The following RNF31 variants were observed in gnomAD, a reference collection of about 807,000 sequenced individuals.
RNF31 encodes the protein E3 ubiquitin-protein ligase RNF31.
RNF31 carries 38 observed loss-of-function variants against 133.6 expected under a neutral mutation model. That is an observed-to-expected ratio of 0.28 (90% CI 0.22 to 0.37). RNF31 has a LOEUF of 0.37. Ranked by LOEUF, RNF31 falls within the 10% of genes least tolerant of loss-of-function variation. RNF31 has a pLI of 1.00. For missense variants in RNF31, 1,118 were observed against 1,394.1 expected, an observed-to-expected ratio of 0.80 and a Z score of 3.15; for synonymous variants, 582 against 552.3, an observed-to-expected ratio of 1.05 and a Z score of -0.75.
At chr14:24,150,538 G>C (rs2038248310) in intron 7 of RNF31, 60 bp from the exon 8 acceptor site, 1 of 1,579,428 alleles carries the variant, frequency 6.3e-7, no homozygotes, top group Admixed American at 1.7e-5. Flanking sequence ...CCAACTCCCT[G>C]TATTTCTGTT....
Position 24,155,162 on chromosome 14 carries a change from G to A in RNF31, c.2136G>A (p.Gln712=). ...TCCAACCCCTCACCCTCCAGATGCA[G>A]GCCCTGACTTCCTGTGAGTGCACCA... is the stretch of plus-strand genomic sequence containing the variant. ...CGWALPHNRM[Q]ALTSCECTIC... is the part of the protein sequence containing the mutation. The change falls in exon 12 of 21, where the codon CAG becomes CAA. Residue 712 remains glutamine (Q), a synonymous_variant. Transcript: ENST00000324103. The surrounding 1 kb of genome is among the most constrained non-coding windows in gnomAD (Gnocchi z 4.9). The A allele has an allele frequency of 6.2e-7, 1 of 1,613,946 alleles. No individual in the cohort carries two copies. The highest frequency in any genetic ancestry group is 8.5e-7 in the Non-Finnish European group (1 of 1,179,898).
At chr14:24,158,464 A>G (rs1423516001) in intron 18 of RNF31, 3 of 521,318 alleles carry the variant, frequency 5.8e-6, no homozygotes, top group Admixed American at 3.6e-5. Flanking sequence ...CCAAATGATC[A>G]TAATTAATTA....
In RNF31 at chr14:24,147,847, A is replaced by G. The variant is rs1414794407; in HGVS notation, c.149A>G (p.Gln50Arg). ...SSLPLAARYL[Q>R]LDAARLVRCN... Reference sequence around the variant, plus strand: ...CTGCCGCTAGCCGCCCGCTACCTGCAGCTGGACGCCGCACGCCTTGTCCGC... The same window carrying G: ...CTGCCGCTAGCCGCCCGCTACCTGCGGCTGGACGCCGCACGCCTTGTCCGC... The change falls in exon 1 of 21, where the codon CAG becomes CGG. Residue 50 changes from glutamine to arginine, a missense_variant. By Grantham distance (43) the Gln-to-Arg change is conservative (BLOSUM62 1). This residue lies in a region of RNF31 where 747 missense variants were observed against 827.9 expected (regional missense o/e 0.90). Coordinates refer to ENST00000324103, the MANE Select transcript of RNF31 (RefSeq NM_017999.5). The G allele has an allele frequency of 2.5e-6, 4 of 1,610,224 alleles. No homozygotes were observed. The highest frequency in any genetic ancestry group is 2.7e-5 in the African/African-American group (2 of 75,024).
At chr14:24,159,783 C>A in intron 18 of RNF31, 81 bp from the exon 19 acceptor site, 1 of 1,137,380 alleles carries the variant, frequency 8.8e-7, no homozygotes, top group Non-Finnish European at 1.3e-6. Context: ...GGCTGCCTTC[C>A]CTGCCTTGTG....
Position 24,150,274 on chromosome 14 carries a change from A to C in RNF31, c.1023A>C (p.Gly341=), listed in dbSNP as rs745310747. ...GLGLGTEGPQ[G]TGGLEPDLAR... is the part of the protein sequence containing the mutation. ...GGTTGGGAACTGAGGGTCCCCAAGG[A>C]ACTGGAGGCCTAGAACCTGATCTTG... Residue 341 remains glycine (G), a synonymous_variant, in exon 7 of 21, where the codon GGA becomes GGC. Transcript: ENST00000324103. 3 of 1,614,048 alleles carry C rather than the reference A, an allele frequency of 1.9e-6. No individual in the cohort carries two copies. In the African/African-American group the frequency reaches 4.0e-5, roughly 22 times the overall value.
In RNF31 at chr14:24,151,399, T is replaced by C; in HGVS notation, c.1737+20T>C. 2 of 1,613,950 alleles carry C rather than the reference T, an allele frequency of 1.2e-6. No individual in the cohort carries two copies. The highest frequency in any genetic ancestry group is 1.7e-6 in the Non-Finnish European group (2 of 1,179,820). ...AGGAAGGTATCAGCTGTGCTGGATA[T>C]GGGATAGGGTCGAGAGTCTGCATCT... On this transcript the variant is annotated intron_variant, in intron 9 of 20. Transcript: ENST00000324103. The surrounding 1 kb of genome is among the most constrained non-coding windows in gnomAD (Gnocchi z 5.3).
Position 24,147,633 on chromosome 14 carries a change from C to A in RNF31, c.-66C>A. On this transcript the variant is annotated 5_prime_UTR_variant, in exon 1 of 21. Coordinates refer to ENST00000324103, the MANE Select transcript of RNF31 (RefSeq NM_017999.5). ...GGCACCAGACGGGAGGGGCGGCGCT[C>A]GGGCCGCGCGCTGCCCGCGCCGGGT... 7.5e-7 allele frequency: 1 copy of A among 1,338,918 alleles called. No individual in the cohort carries two copies. Among genetic ancestry groups the A allele is most frequent in the South Asian group, 1.8e-5 (1 of 55,474 alleles). 82.9% of individuals were successfully genotyped at this position (1,338,918 alleles called of 1,614,324 possible).
intron 11 of RNF31, among the ~76,000 whole-genome samples, chr14:24,153,957 A>T (rs1236438849): frequency 6.6e-6 from 1 of 152,230 alleles, no homozygotes; most frequent in Admixed American, 6.5e-5. Flanking sequence ...TTTCAAAAAT[A>T]GTGCATAGAG....
chr14:24,149,568 C>A lies in RNF31; in HGVS notation c.794C>A (p.Thr265Asn), dbSNP rs746753298. 31 of 1,613,170 alleles carry A rather than the reference C, an allele frequency of 1.9e-5. No homozygotes were observed. In the Admixed American group the frequency reaches 5.2e-4, roughly 27 times the overall value. The change falls in exon 6 of 21, where the codon ACC (threonine) becomes AAC (asparagine). Residue 265 changes from threonine (T) to asparagine (N), a missense_variant. Physicochemically the swap from Thr to Asn is moderately conservative, Grantham distance 65. Around this residue, in one of 3 missense-constraint regions of RNF31, gnomAD observed 747 missense variants for 827.9 expected, o/e 0.90. Transcript: ENST00000324103. ...RQTLPGVLQG[T>N]HLSPSLPASA... ...ACCCTGCCTGGGGTCCTGCAGGGTACCCACCTGAGCCCCAGGTGAGAGGGC... is the reference window on the plus strand; with the variant it reads ...ACCCTGCCTGGGGTCCTGCAGGGTAACCACCTGAGCCCCAGGTGAGAGGGC...
chr14:24,149,919 G>A (rs189808917), intron 6 of RNF31, 142 bp from the exon 7 acceptor site: 38 of 999,734 alleles, frequency 3.8e-5, no homozygotes, highest in African/African-American at 3.7e-4. Flanking sequence ...CATAAGCTAT[G>A]GGTATAGGAG....
rs1224022978 is a variant in RNF31, at chr14:24,158,001, A to G, written c.2831A>G (p.Lys944Arg). The change falls in exon 17 of 21, where the codon AAG (lysine) becomes AGG (arginine). Residue 944 changes from lysine to arginine, a missense_variant. Physicochemically the swap from Lys to Arg is conservative, Grantham distance 26. Around this residue, in one of 3 missense-constraint regions of RNF31, gnomAD observed 170 missense variants for 194.5 expected, o/e 0.87. Transcript: ENST00000324103. ...GACTGGACTGCTCTCCGGCTTCAGA[A>G]GCTGCTACAGGTCAGAGGTGGCCAG... Reference protein sequence around the residue: ...LRDWTALRLQKLLQDNNVMFN... With the variant: ...LRDWTALRLQRLLQDNNVMFN... 3.1e-6 allele frequency: 5 copies of G among 1,614,132 alleles called. No individual in the cohort carries two copies. In the East Asian group the frequency reaches 1.1e-4, roughly 36 times the overall value.
Position 24,150,308 on chromosome 14 carries a change from C to T in RNF31, c.1057C>T (p.Arg353Trp), listed in dbSNP as rs762112517. The T allele has an allele frequency of 3.0e-5, 49 of 1,614,078 alleles. No homozygotes were observed. The highest frequency in any genetic ancestry group is 2.2e-4 in the Admixed American group (13 of 60,002). ...CCTAGAACCTGATCTTGCACGGGGT[C>T]GGTGGGCCTGCCAGAGCTGTACCTT... ...GGLEPDLARG[R>W]WACQSCTFEN... Residue 353 changes from arginine to tryptophan, a missense_variant, in exon 7 of 21, where the codon CGG (arginine) becomes TGG (tryptophan). Physicochemically the swap from Arg to Trp is moderately radical, Grantham distance 101. Coordinates refer to ENST00000324103, the MANE Select transcript of RNF31 (RefSeq NM_017999.5).
Position 24,151,280 on chromosome 14 carries a change from G to C in RNF31, c.1638G>C (p.Leu546=). Residue 546 remains leucine, a synonymous_variant, in exon 9 of 21, where the codon CTG becomes CTC. Transcript: ENST00000324103. The surrounding 1 kb of genome is among the most constrained non-coding windows in gnomAD (Gnocchi z 5.3). ...AELAGQQDPG[L]GAFSCQEARR... Reference sequence around the variant, plus strand: ...TGGCTGGACAGCAGGACCCTGGGCTGGGTGCCTTTTCCTGTCAGGAGGCCC... The same window carrying C: ...TGGCTGGACAGCAGGACCCTGGGCTCGGTGCCTTTTCCTGTCAGGAGGCCC... 6.2e-7 allele frequency: 1 copy of C among 1,614,224 alleles called. No homozygotes were observed. The highest frequency in any genetic ancestry group is 8.5e-7 in the Non-Finnish European group (1 of 1,180,042).
rs1409264921 is a variant in RNF31 at position 24,157,940 on chromosome 14, G to A, written c.2770G>A (p.Gly924Ser). 3.1e-6 allele frequency: 5 copies of A among 1,614,114 alleles called. No individual in the cohort carries two copies. The highest frequency in any genetic ancestry group is 4.2e-6 in the Non-Finnish European group (5 of 1,180,038). Residue 924 changes from glycine (G) to serine (S), a missense_variant, in exon 17 of 21, where the codon GGC (glycine) becomes AGC (serine). By Grantham distance (56) the Gly-to-Ser change is moderately conservative. Around this residue, in one of 3 missense-constraint regions of RNF31, gnomAD observed 201 missense variants for 371.7 expected, o/e 0.54. Transcript: ENST00000324103. The part of the protein sequence containing the change: ...PNCRVKKSLH[G>S]HHPRDCLFYL... Reference sequence around the variant, plus strand: ...CTGCAGGGTGAAAAAGTCCCTGCACGGCCACCACCCTCGAGACTGCCTCTT... The same window carrying A: ...CTGCAGGGTGAAAAAGTCCCTGCACAGCCACCACCCTCGAGACTGCCTCTT...
chr14:24,160,324 A>T lies in RNF31; in HGVS notation c.3082A>T (p.Thr1028Ser), dbSNP rs1341663450. The T allele has an allele frequency of 1.9e-6, 3 of 1,614,000 alleles. No homozygotes were observed. The highest frequency in any genetic ancestry group is 1.1e-5 in the South Asian group (1 of 91,074). Residue 1028 changes from threonine (T) to serine (S), a missense_variant, in exon 20 of 21, where the codon ACG becomes TCG. Transcript: ENST00000324103. The surrounding 1 kb of genome is among the most constrained non-coding windows in gnomAD (Gnocchi z 4.0). ...ATLYEVEELE[T>S]ATERYLHVRP... is the part of the protein sequence containing the mutation. ...CTTGTATGAGGTGGAAGAGCTGGAG[A>T]CGGCCACTGAGCGCTACCTGCACGT...
rs2038264825 is a variant in RNF31 at position 24,151,433 on chromosome 14, C to T, written c.1738-52C>T. On this transcript the variant is annotated intron_variant, in intron 9 of 20. Transcript: ENST00000324103. The surrounding 1 kb of genome is among the most constrained non-coding windows in gnomAD (Gnocchi z 5.3). ...GTCGAGAGTCTGCATCTCTCACACTCTCCCTTGCTTGCTTTCCCACTTCAT... is the reference window on the plus strand; with the variant it reads ...GTCGAGAGTCTGCATCTCTCACACTTTCCCTTGCTTGCTTTCCCACTTCAT... 2 of 1,613,036 alleles carry T rather than the reference C, an allele frequency of 1.2e-6. No homozygotes were observed. The highest frequency in any genetic ancestry group is 1.7e-5 in the Admixed American group (1 of 59,980).
Position 24,148,840 on chromosome 14 carries a change from A to G in RNF31, c.595A>G (p.Ile199Val). The G allele has an allele frequency of 6.2e-7, 1 of 1,613,932 alleles. No individual in the cohort carries two copies. Among genetic ancestry groups the G allele is most frequent in the South Asian group, 1.1e-5 (1 of 91,074 alleles). ...AGAATTTGACCCCCTATTGAGAGAG[A>G]TTGCTCCTGGCCCCCTCACCACACC... ...LSEFDPLLRE[I>V]APGPLTTPSV... Residue 199 changes from isoleucine to valine, a missense_variant, in exon 5 of 21, where the codon ATT (isoleucine) becomes GTT (valine). Physicochemically the swap from Ile to Val is conservative, Grantham distance 29. Around this residue, in one of 3 missense-constraint regions of RNF31, gnomAD observed 747 missense variants for 827.9 expected, o/e 0.90. Coordinates refer to ENST00000324103, the MANE Select transcript of RNF31 (RefSeq NM_017999.5).
At position 24,155,811 on chromosome 14, in the gene RNF31, CT is replaced by C; in HGVS notation, c.2493+121del. The C allele has an allele frequency of 1.2e-6, 1 of 805,048 alleles. No individual in the cohort carries two copies. Among genetic ancestry groups the C allele is most frequent in the Non-Finnish European group, 2.1e-6 (1 of 482,370 alleles). 49.9% of individuals were successfully genotyped at this position (805,048 alleles called of 1,614,324 possible). On this transcript the variant is annotated intron_variant, in intron 14 of 20. Transcript: ENST00000324103. This position sits in a 1 kb window ranked among gnomAD's most constrained non-coding sequence, Gnocchi z 4.9. Reference sequence around the variant, plus strand: ...GACATGAGCTCTGAGGTCAAAAGAGCTTACAGACTACTCAGAAAGACTAGGC... The same window carrying C: ...GACATGAGCTCTGAGGTCAAAAGAGCTACAGACTACTCAGAAAGACTAGGC...
chr14:24,152,102 A>G, intron 11 of RNF31, 110 bp downstream of exon 11: 5 of 1,105,330 alleles, frequency 4.5e-6, no homozygotes, highest in African/African-American at 1.6e-5. Flanking sequence ...AGTTGCCCAT[A>G]TACCCCTGAA....
Sources: gnomAD v4.1 joint callset for allele counts (sites outside exome capture counted in the v4.1 genomes callset) on GRCh38, gnomAD v4.1.1 for gene constraint, gnomAD v4.1.1 regional missense constraint, Gnocchi (gnomAD v3.1) non-coding constraint, MANE v1.5 for transcripts, NCBI Gene and HGNC (gene_info 2026-07-23, HGNC 2026-07-21) for gene names.